The following COL26A1 variants were observed in gnomAD, a reference collection of about 807,000 sequenced individuals.
COL26A1 encodes collagen type XXVI alpha 1 chain.
In COL26A1, 41 loss-of-function variants were observed where a neutral mutation model predicts 59.3. The ratio of observed to expected loss-of-function variants is 0.69; its 90% CI spans 0.54 to 0.90. COL26A1 has a LOEUF of 0.90. COL26A1 is among the 40% of genes least tolerant of loss of function. COL26A1 has a pLI of 0.00. For missense variants in COL26A1, 612 were observed against 602.3 expected (o/e 1.02, Z -0.17); for synonymous variants, 266 against 256.0 (o/e 1.04, Z -0.37).
At chr7:101,540,408 GGT>G (rs1277965053) in intron 5 of COL26A1, among the ~76,000 whole-genome samples, 2 of 151,442 alleles carry the variant, frequency 1.3e-5, no homozygotes, top group Non-Finnish European at 2.9e-5. Flanking sequence ...CGTGGAGGCA[GGT>G]GCCTGTAATC....
chr7:101,366,440 T>C (rs1791047517), intron 1 of COL26A1, among the ~76,000 whole-genome samples: 1 of 150,672 alleles, frequency 6.6e-6, no homozygotes, highest in Non-Finnish European at 1.5e-5. Context: ...AAGAGTGCTT[T>C]AATTTCATTG....
chr7:101,452,801 G>A (rs1289891147), intron 3 of COL26A1, among the ~76,000 whole-genome samples: 1 of 151,600 alleles, frequency 6.6e-6, no homozygotes, highest in African/African-American at 2.4e-5. Context: ...GAGTCTGTCT[G>A]TCAGCCAGGC....
chr7:101,392,574 G>T (rs541164134), intron 1 of COL26A1, among the ~76,000 whole-genome samples: 45 of 151,804 alleles, frequency 3.0e-4, no homozygotes, highest in African/African-American at 1.1e-3. Context: ...GCTAATTTTT[G>T]TATTTTTAGT....
At chr7:101,367,167 A>G (rs1200014116) in intron 1 of COL26A1, among the ~76,000 whole-genome samples, 1 of 152,094 alleles carries the variant, frequency 6.6e-6, no homozygotes, top group Non-Finnish European at 1.5e-5. Flanking sequence ...TTGCTGGGAG[A>G]GACAGAAATT....
intron 2 of COL26A1, among the ~76,000 whole-genome samples, chr7:101,433,118 T>A (rs1037579681): frequency 6.6e-6 from 1 of 151,836 alleles, no homozygotes; most frequent in Admixed American, 6.6e-5. Flanking sequence ...AGGCCAGAAG[T>A]TTGAGACCAG....
chr7:101,432,426 T>C (rs912481849), intron 2 of COL26A1, among the ~76,000 whole-genome samples: 5 of 152,170 alleles, frequency 3.3e-5, no homozygotes, highest in Non-Finnish European at 7.4e-5. Context: ...GTCTGGTCCC[T>C]TAATGGCAGG....
At chr7:101,529,004 A>G (rs1361872711) in intron 3 of COL26A1, among the ~76,000 whole-genome samples, 4 of 151,998 alleles carry the variant, frequency 2.6e-5, no homozygotes, top group African/African-American at 4.8e-5. Context: ...TATCTCTACT[A>G]AAAATACAAA....
chr7:101,375,372 A>G (rs1375024027), intron 1 of COL26A1, among the ~76,000 whole-genome samples: 1 of 152,058 alleles, frequency 6.6e-6, no homozygotes, highest in Non-Finnish European at 1.5e-5. Flanking sequence ...GGGACTTGGC[A>G]AAGCTTGGGA....
chr7:101,515,794 G>T (rs1288319462), intron 3 of COL26A1, among the ~76,000 whole-genome samples: 3 of 152,000 alleles, frequency 2.0e-5, no homozygotes, highest in East Asian at 3.9e-4. Flanking sequence ...TTGCTAGGTT[G>T]CCCAGGCTGG....
intron 3 of COL26A1, among the ~76,000 whole-genome samples, chr7:101,512,294 G>A (rs987387498): frequency 6.6e-6 from 1 of 152,096 alleles, no homozygotes; most frequent in African/African-American, 2.4e-5. Flanking sequence ...CATCTTCTGT[G>A]TACTCTGGAT....
At position 101,362,980 on chromosome 7, in the gene COL26A1, T is replaced by C. The variant is rs993006274; in HGVS notation, c.-53T>C. 14 of 1,521,186 alleles carry C rather than the reference T, an allele frequency of 9.2e-6. No individual in the cohort carries two copies. The highest frequency in any genetic ancestry group is 1.2e-5 in the Non-Finnish European group (14 of 1,142,406). 94.2% of individuals were successfully genotyped at this position (1,521,186 alleles called of 1,614,324 possible). ...GGGTTCGGTCCGGGCGCCGGTGCGC[T>C]CCTGCCGGTCCTCGTGCCCGGGACT... On this transcript the variant is annotated 5_prime_UTR_variant, in exon 1 of 13. Coordinates refer to ENST00000313669, the MANE Select transcript of COL26A1 (RefSeq NM_001278563.3).
At chr7:101,454,620 G>T (rs1793426739) in intron 3 of COL26A1, among the ~76,000 whole-genome samples, 1 of 152,018 alleles carries the variant, frequency 6.6e-6, no homozygotes, top group Non-Finnish European at 1.5e-5. Context: ...CTTTTTGGGG[G>T]TGGTTTGTTG....
chr7:101,407,493 C>T (rs1356249255), intron 1 of COL26A1, among the ~76,000 whole-genome samples: 1 of 151,688 alleles, frequency 6.6e-6, no homozygotes, highest in Non-Finnish European at 1.5e-5. Flanking sequence ...AGCCTCCCCT[C>T]CCTCCCAGCT....
At chr7:101,451,241 A>G (rs977454672) in intron 3 of COL26A1, among the ~76,000 whole-genome samples, 4 of 145,334 alleles carry the variant, frequency 2.8e-5, no homozygotes, top group Admixed American at 2.1e-4. Context: ...GACAATTTAT[A>G]CATTGTATAT....
At chr7:101,543,073 G>A (rs977088646) in intron 5 of COL26A1, among the ~76,000 whole-genome samples, 4 of 152,228 alleles carry the variant, frequency 2.6e-5, no homozygotes, top group Admixed American at 6.5e-5. Flanking sequence ...TCCGAGGCCA[G>A]CAGCCCCCAG....
At chr7:101,502,992 C>G (rs2130563888) in intron 3 of COL26A1, among the ~76,000 whole-genome samples, 1 of 152,288 alleles carries the variant, frequency 6.6e-6, no homozygotes, top group East Asian at 1.9e-4. Flanking sequence ...TGCCCAGTCC[C>G]TCTGTGGCTC....
intron 3 of COL26A1, among the ~76,000 whole-genome samples, chr7:101,448,160 G>A (rs899649000): frequency 5.3e-5 from 8 of 152,230 alleles, no homozygotes; most frequent in African/African-American, 1.2e-4. Flanking sequence ...GAGCAAATGC[G>A]GATGAGGTCC....
intron 3 of COL26A1, among the ~76,000 whole-genome samples, chr7:101,529,163 G>C (rs918800869): frequency 6.6e-5 from 10 of 152,164 alleles, no homozygotes; most frequent in African/African-American, 2.4e-4. Flanking sequence ...AAGATTCTGT[G>C]TCAAAAGAAA....
chr7:101,509,439 C>T (rs1186229882), intron 3 of COL26A1, among the ~76,000 whole-genome samples: 1 of 151,998 alleles, frequency 6.6e-6, no homozygotes, highest in African/African-American at 2.4e-5. Flanking sequence ...GACTGAGACC[C>T]TGTCTCAAAA....
Sources: allele counts gnomAD v4.1 joint callset (sites outside exome capture counted in the v4.1 genomes callset), GRCh38; gene constraint gnomAD v4.1.1; transcripts MANE v1.5; gene names NCBI Gene and HGNC (gene_info 2026-07-23, HGNC 2026-07-21).